The following CALN1 variants were observed in gnomAD, a reference collection of about 807,000 sequenced individuals.
CALN1 encodes the protein calcium-binding protein 8.
Under a neutral mutation model 30.6 loss-of-function variants are expected in CALN1, and 17 were observed. The observed-to-expected ratio is 0.56, with a 90% CI of 0.38 to 0.83. The LOEUF (loss-of-function observed/expected upper bound fraction) is 0.83, where lower values mean the gene tolerates loss of function less well. Among genes scored for constraint, CALN1 ranks in the 40% least tolerant of loss-of-function variants. The pLI, the probability that CALN1 is intolerant of heterozygous loss-of-function variation, is 0.00. For missense variants in CALN1, 291 were observed against 354.9 expected, an observed-to-expected ratio of 0.82 and a Z score of 1.45; for synonymous variants, 156 against 131.4, an observed-to-expected ratio of 1.19 and a Z score of -1.28.
At chr7:72,100,821 CAA>C (rs35514026) in intron 4 of CALN1, among the ~76,000 whole-genome samples, 6 of 73,090 alleles carry the variant, frequency 8.2e-5, no homozygotes, top group Non-Finnish European at 1.0e-4. Flanking sequence ...CTCCGTCTCA[CAA>C]AAAAAAAAAA....
rs191110030 is a variant in CALN1, at chr7:71,849,140, T to C, written c.502-38648A>G. ...ACATCTAACCATTTTAGAATTCTTA[T>C]GTGTGTTTAATCTATGTGTGGCTTA... On this transcript the variant is annotated intron_variant, in intron 5 of 6. Coordinates refer to ENST00000395275, the MANE Select transcript of CALN1 (RefSeq NM_031468.4). 2.5e-4 allele frequency among the ~76,000 whole-genome samples: 38 copies of C among 152,328 alleles called. No homozygotes were observed. The East Asian group carries it at 7.3e-3, about 29-fold the overall frequency.
chr7:72,157,692 T>C (rs1787801631), intron 3 of CALN1, among the ~76,000 whole-genome samples: 2 of 152,126 alleles, frequency 1.3e-5, no homozygotes, highest in Admixed American at 1.3e-4. Flanking sequence ...AAGATATGAA[T>C]TCACCTCAGG....
intron 4 of CALN1, among the ~76,000 whole-genome samples, chr7:72,045,746 T>A (rs1015612453): frequency 2.0e-5 from 3 of 152,092 alleles, no homozygotes; most frequent in Non-Finnish European, 4.4e-5. Context: ...ACACCTGTAA[T>A]CCCAACACTT....
intron 3 of CALN1, among the ~76,000 whole-genome samples, chr7:72,113,445 C>A: frequency 6.6e-6 from 1 of 152,174 alleles, no homozygotes; most frequent in East Asian, 1.9e-4. Flanking sequence ...AACCATGAGC[C>A]AAATATATAT....
chr7:72,022,923 A>T (rs894802462), intron 5 of CALN1, among the ~76,000 whole-genome samples: 3 of 105,990 alleles, frequency 2.8e-5, no homozygotes, highest in African/African-American at 6.1e-5. Flanking sequence ...ATAAAATTAA[A>T]AAAAAAAAAA....
intron 3 of CALN1, among the ~76,000 whole-genome samples, chr7:72,147,481 G>GAGAAATAGGAAC (rs775589538): frequency 2.0e-5 from 2 of 100,826 alleles, no homozygotes; most frequent in Admixed American, 9.0e-5. Flanking sequence ...TGTTGGAGAG[G>GAGAAATAGGAAC]ACTGTTACAC....
intron 3 of CALN1, among the ~76,000 whole-genome samples, chr7:72,159,896 A>G (rs772740067): frequency 6.6e-5 from 10 of 152,252 alleles, no homozygotes; most frequent in Non-Finnish European, 1.3e-4. Flanking sequence ...AAAGAAACAG[A>G]TATCTCTGAA....
chr7:72,034,538 A>C (rs1801667530), intron 4 of CALN1, among the ~76,000 whole-genome samples: 1 of 151,410 alleles, frequency 6.6e-6, no homozygotes, highest in Non-Finnish European at 1.5e-5. Context: ...CACCCCTGTA[A>C]TCTCAACACT....
chr7:72,373,867 C>A (rs1331680677), intron 2 of CALN1, among the ~76,000 whole-genome samples: 2 of 152,056 alleles, frequency 1.3e-5, no homozygotes, highest in Non-Finnish European at 2.9e-5. Context: ...TGAAAGTAAA[C>A]AGAAAAATGA....
chr7:72,130,223 C>A (rs2129542742), intron 3 of CALN1, among the ~76,000 whole-genome samples: 1 of 152,206 alleles, frequency 6.6e-6, no homozygotes, highest in Non-Finnish European at 1.5e-5. Context: ...GCCATATAAA[C>A]CTGTTTTCTT....
chr7:72,149,962 G>GAAA (rs530466921), intron 3 of CALN1, among the ~76,000 whole-genome samples: 3 of 144,938 alleles, frequency 2.1e-5, no homozygotes, highest in African/African-American at 7.5e-5. Context: ...TAAAAATACA[G>GAAA]AAAAAAAAAA....
chr7:72,001,334 C>G lies in CALN1; in HGVS notation c.501+22323G>C, dbSNP rs192540001. ...ATCTCAGGAGTTGGGTGAATGGGCTCGTGTATGTGCACTAAGTGGCAAAGT... is the reference window on the plus strand; with the variant it reads ...ATCTCAGGAGTTGGGTGAATGGGCTGGTGTATGTGCACTAAGTGGCAAAGT... On this transcript the variant is annotated intron_variant, in intron 5 of 6. Transcript: ENST00000395275. Among the ~76,000 whole-genome samples, 15 of 152,318 alleles carry G rather than the reference C, an allele frequency of 9.8e-5. No homozygotes were observed. The East Asian group carries it at 2.9e-3, about 29-fold the overall frequency.
intron 4 of CALN1, among the ~76,000 whole-genome samples, chr7:72,049,250 G>A (rs932013104): frequency 3.9e-5 from 6 of 152,074 alleles, no homozygotes; most frequent in Non-Finnish European, 8.8e-5. Flanking sequence ...TAAAAAAGAG[G>A]TAAAATGATG....
upstream of CALN1, among the ~76,000 whole-genome samples, chr7:72,414,120 A>G (rs1807347277): frequency 2.6e-5 from 4 of 152,108 alleles, no homozygotes; most frequent in South Asian, 8.3e-4. Flanking sequence ...GAGGTATGAG[A>G]CGGATTCACT....
intron 5 of CALN1, among the ~76,000 whole-genome samples, chr7:71,981,531 G>A (rs566891627): frequency 4.6e-5 from 7 of 152,258 alleles, no homozygotes; most frequent in Admixed American, 1.3e-4. Flanking sequence ...AGGCACACCT[G>A]TAGTCCCAAC....
intron 2 of CALN1, among the ~76,000 whole-genome samples, chr7:72,325,832 A>C (rs1200700383): frequency 6.6e-6 from 1 of 152,164 alleles, no homozygotes; most frequent in Non-Finnish European, 1.5e-5. Context: ...AACAGGCTTG[A>C]AAATGCAATA....
rs144152455 is a variant in CALN1, at chr7:71,856,623, A to T, written c.502-46131T>A. Among the ~76,000 whole-genome samples, 323 of 152,274 alleles carry T rather than the reference A, an allele frequency of 2.1e-3. 4 individuals carry two copies. The highest frequency in any genetic ancestry group is 1.9e-3 in the Non-Finnish European group (131 of 68,020). ...ATTTTCCACTGTTCTGTATTTTTAT[A>T]TTTGTTTTCCCAAGACTATACATGT... On this transcript the variant is annotated intron_variant, in intron 5 of 6. Coordinates refer to ENST00000395275, the MANE Select transcript of CALN1 (RefSeq NM_031468.4).
intron 2 of CALN1, among the ~76,000 whole-genome samples, chr7:72,312,062 T>C (rs566945815): frequency 1.6e-3 from 238 of 152,154 alleles, no homozygotes; most frequent in African/African-American, 5.5e-3. Context: ...TTCTGGACAT[T>C]GCTAAAAGCC....
At chr7:71,909,294 G>A (rs1313501224) in intron 5 of CALN1, among the ~76,000 whole-genome samples, 1 of 152,176 alleles carries the variant, frequency 6.6e-6, no homozygotes, top group Non-Finnish European at 1.5e-5. Flanking sequence ...CAGCCTGTAT[G>A]ATGTTTAATT....
Sources: allele counts gnomAD v4.1 joint callset (sites outside exome capture counted in the v4.1 genomes callset), GRCh38; gene constraint gnomAD v4.1.1; transcripts MANE v1.5; gene names NCBI Gene and HGNC (gene_info 2026-07-23, HGNC 2026-07-21).